ELMO1: variants seen among roughly 807,000 people sequenced by gnomAD.
ELMO1 encodes engulfment and cell motility protein 1.
A neutral mutation model predicts 98.9 loss-of-function variants in ELMO1; 26 were observed. That is an observed-to-expected ratio of 0.26 (90% CI 0.19 to 0.36). The LOEUF (loss-of-function observed/expected upper bound fraction) is 0.36, where lower values mean the gene tolerates loss of function less well. Among genes scored for constraint, ELMO1 ranks in the 10% least tolerant of loss-of-function variants. The pLI, the probability that ELMO1 is intolerant of heterozygous loss-of-function variation, is 1.00. For missense variants in ELMO1, 627 were observed against 935.2 expected, an observed-to-expected ratio of 0.67 and a Z score of 4.30; for synonymous variants, 346 against 346.0, an observed-to-expected ratio of 1.00 and a Z score of 0.00.
intron 15 of ELMO1, among the ~76,000 whole-genome samples, chr7:37,092,909 CTTTT>C (rs1369783633): frequency 6.8e-6 from 1 of 146,700 alleles, no homozygotes; most frequent in Non-Finnish European, 1.5e-5. Context: ...CACTGTCTTT[CTTTT>C]TCTTTTTTTT....
intron 8 of ELMO1, among the ~76,000 whole-genome samples, chr7:37,229,071 C>T (rs776199623): frequency 6.6e-5 from 10 of 152,210 alleles, no homozygotes; most frequent in Non-Finnish European, 1.2e-4. Flanking sequence ...AGGTAGATGC[C>T]TGTAAATCTC....
chr7:37,440,345 G>A (rs1805353481), intron 1 of ELMO1, among the ~76,000 whole-genome samples: 1 of 151,860 alleles, frequency 6.6e-6, no homozygotes, highest in Non-Finnish European at 1.5e-5. Context: ...GGGAGGCTGA[G>A]GCAGAAGAAT....
chr7:37,198,284 G>A (rs531996958), intron 13 of ELMO1, among the ~76,000 whole-genome samples: 7 of 152,266 alleles, frequency 4.6e-5, no homozygotes, highest in African/African-American at 1.7e-4. Context: ...CTCAGACCCA[G>A]CTGGTTATAG....
intron 13 of ELMO1, among the ~76,000 whole-genome samples, chr7:37,142,608 T>C (rs1310220081): frequency 1.3e-5 from 2 of 152,220 alleles, no homozygotes; most frequent in Admixed American, 6.5e-5. Flanking sequence ...GCGTTTATTT[T>C]GGTACTGCTA....
intron 16 of ELMO1, among the ~76,000 whole-genome samples, chr7:36,915,995 C>T (rs556575834): frequency 2.6e-5 from 4 of 152,284 alleles, no homozygotes; most frequent in African/African-American, 4.8e-5. Flanking sequence ...TGGGAGCTGG[C>T]GAGCTCAGGG....
intron 9 of ELMO1, 110 bp from the exon 10 acceptor site, chr7:37,222,803 TGA>T: frequency 1.1e-6 from 1 of 927,210 alleles, no homozygotes; most frequent in Non-Finnish European, 1.7e-6. Context: ...CCAAAAAAAG[TGA>T]GAGAGAAAGG....
chr7:37,223,231 C>T lies in ELMO1; in HGVS notation c.702-538G>A, dbSNP rs533582234. On this transcript the variant is annotated intron_variant, in intron 9 of 21. Transcript: ENST00000310758. ...AATCTGATTTTCACTGGAAAGGAAC[C>T]AGAAATAATAAAATGAAACAAAGCT... Among the ~76,000 whole-genome samples the T allele has an allele frequency of 4.3e-3, 647 of 152,080 alleles. 3 individuals are homozygous for T. The highest frequency in any genetic ancestry group is 6.2e-3 in the Non-Finnish European group (420 of 67,958).
At chr7:37,213,081 G>A (rs1055769249) in intron 12 of ELMO1, among the ~76,000 whole-genome samples, 1 of 152,124 alleles carries the variant, frequency 6.6e-6, no homozygotes. Flanking sequence ...GTGGTCATGT[G>A]ACATCAAACT....
At chr7:37,247,279 T>C (rs937245533) in intron 6 of ELMO1, among the ~76,000 whole-genome samples, 1 of 152,214 alleles carries the variant, frequency 6.6e-6, no homozygotes, top group African/African-American at 2.4e-5. Context: ...AGAAAGCTTA[T>C]AGGCACTAGA....
At chr7:37,164,016 T>C (rs1789438803) in intron 13 of ELMO1, among the ~76,000 whole-genome samples, 1 of 152,232 alleles carries the variant, frequency 6.6e-6, no homozygotes. Flanking sequence ...CCTGACTTTT[T>C]AATGATTGCC....
At chr7:37,104,136 A>G (rs916966575) in intron 14 of ELMO1, among the ~76,000 whole-genome samples, 8 of 150,224 alleles carry the variant, frequency 5.3e-5, no homozygotes, top group Non-Finnish European at 8.9e-5. Context: ...GGAAATGACC[A>G]CCTCCCCGGG....
intron 16 of ELMO1, among the ~76,000 whole-genome samples, chr7:36,947,650 A>G (rs574560844): frequency 4.6e-5 from 7 of 152,288 alleles, no homozygotes; most frequent in Admixed American, 2.6e-4. Context: ...GTGGTCTTCA[A>G]TAACCTTGGG....
intron 13 of ELMO1, among the ~76,000 whole-genome samples, chr7:37,172,511 C>T (rs1223382828): frequency 1.3e-5 from 2 of 152,192 alleles, no homozygotes; most frequent in Non-Finnish European, 2.9e-5. Flanking sequence ...AACACCAAAA[C>T]TAGCTTATTA....
chr7:37,122,333 C>T (rs1408633071), intron 14 of ELMO1, among the ~76,000 whole-genome samples: 1 of 152,144 alleles, frequency 6.6e-6, no homozygotes, highest in Non-Finnish European at 1.5e-5. Context: ...TTAAAAGACA[C>T]AGACTGGCAA....
chr7:37,329,822 C>T (rs372111913), intron 2 of ELMO1, among the ~76,000 whole-genome samples: 6 of 152,216 alleles, frequency 3.9e-5, no homozygotes, highest in South Asian at 2.1e-4. Flanking sequence ...TCAAATTAGT[C>T]TTCCCATATG....
At chr7:36,900,518 G>A (rs1352477463) in intron 16 of ELMO1, among the ~76,000 whole-genome samples, 2 of 152,166 alleles carry the variant, frequency 1.3e-5, no homozygotes, top group African/African-American at 2.4e-5. Context: ...CTTTCACAAA[G>A]CCAAAGAACA....
chr7:37,373,239 G>A (rs1186249599), intron 1 of ELMO1, among the ~76,000 whole-genome samples: 5 of 152,236 alleles, frequency 3.3e-5, no homozygotes, highest in Admixed American at 6.5e-5. Flanking sequence ...ATGCAAAAGC[G>A]GTAGTTTAAT....
chr7:37,268,338 G>A (rs532640843), intron 5 of ELMO1, among the ~76,000 whole-genome samples: 1 of 152,298 alleles, frequency 6.6e-6, no homozygotes, highest in East Asian at 1.9e-4. Context: ...CTCTCGCTCT[G>A]TCGCCCAGGC....
At chr7:37,103,084 A>C (rs1784726362) in intron 14 of ELMO1, among the ~76,000 whole-genome samples, 1 of 152,250 alleles carries the variant, frequency 6.6e-6, no homozygotes. Flanking sequence ...ATGGGAAAGC[A>C]AAATGGAAGT....
Sources: gnomAD v4.1 joint callset for allele counts (sites outside exome capture counted in the v4.1 genomes callset) on GRCh38, gnomAD v4.1.1 for gene constraint, MANE v1.5 for transcripts, NCBI Gene and HGNC (gene_info 2026-07-23, HGNC 2026-07-21) for gene names.